Variants in REPS1 observed in about 807,000 individuals in gnomAD.
REPS1 encodes RALBP1 associated Eps domain containing 1.
Under a neutral mutation model 100.9 loss-of-function variants are expected in REPS1, and 39 were observed. The observed-to-expected ratio is 0.39, with a 90% CI of 0.30 to 0.50. REPS1 has a LOEUF of 0.50. Ranked by LOEUF, REPS1 falls within the 20% of genes least tolerant of loss-of-function variation. The probability of loss-of-function intolerance (pLI) is 0.86; values close to 1 mark genes in which losing one functional copy is unlikely to be tolerated. For synonymous variants in REPS1, 324 were observed against 340.3 expected, an observed-to-expected ratio of 0.95 and a Z score of 0.53; for missense variants, 821 against 968.5, an observed-to-expected ratio of 0.85 and a Z score of 2.02.
intron 1 of REPS1, among the ~76,000 whole-genome samples, chr6:138,978,417 C>T (rs1159663944): frequency 6.6e-6 from 1 of 151,750 alleles, no homozygotes; most frequent in Non-Finnish European, 1.5e-5. Flanking sequence ...CATCCTCCTG[C>T]CTCAGCCTCC....
chr6:138,971,025 G>T (rs567037189), intron 1 of REPS1, among the ~76,000 whole-genome samples: 3 of 152,058 alleles, frequency 2.0e-5, no homozygotes, highest in East Asian at 1.9e-4. Context: ...TTCCCTTTTT[G>T]CCATTTGTTA....
intron 1 of REPS1, among the ~76,000 whole-genome samples, chr6:138,969,859 A>ATTTTTTTTTTTTTT: frequency 2.1e-5 from 2 of 94,636 alleles, no homozygotes; most frequent in Non-Finnish European, 3.9e-5. Context: ...GTGAATTGGG[A>ATTTTTTTTTTTTTT]TTTTTTTTTT....
In REPS1 at chr6:138,920,312, A is replaced by G. The variant is rs758408702; in HGVS notation, c.1431T>C (p.His477=). ...EMELKRTGSD[H]TNPTSPLLVK... is the part of the protein sequence containing the mutation. ...CAAGTAATGGGCTAGTGGGATTTGT[A>G]TGATCTAATAGAGAATTAATAGGTA... is the stretch of plus-strand genomic sequence containing the variant. Residue 477 remains histidine, a synonymous_variant, in exon 12 of 20, where the codon CAT becomes CAC. Coordinates refer to ENST00000450536, the MANE Select transcript of REPS1 (RefSeq NM_001286611.2). The G allele has an allele frequency of 9.2e-6, 14 of 1,523,312 alleles. No homozygotes were observed. In the Admixed American group the frequency reaches 2.2e-4, roughly 24 times the overall value. 94.4% of individuals were successfully genotyped at this position (1,523,312 alleles called of 1,614,324 possible).
chr6:138,904,188 C>A lies in REPS1; in HGVS notation c.*876G>T, dbSNP rs1266904879. 1 of 152,076 alleles carries A rather than the reference C, an allele frequency of 6.6e-6. No individual in the cohort carries two copies. The highest frequency in any genetic ancestry group is 6.6e-5 in the Admixed American group (1 of 15,264). 9.4% of individuals were successfully genotyped at this position (152,076 alleles called of 1,614,324 possible). ...ATTTAATATTAAACAAAATCTAAAACAGCATATTGTCCTGAATAAGGCATA... is the reference window on the plus strand; with the variant it reads ...ATTTAATATTAAACAAAATCTAAAAAAGCATATTGTCCTGAATAAGGCATA... On this transcript the variant is annotated 3_prime_UTR_variant, in exon 20 of 20. Transcript: ENST00000450536.
chr6:138,974,122 T>C (rs1298644380), intron 1 of REPS1, among the ~76,000 whole-genome samples: 2 of 151,974 alleles, frequency 1.3e-5, no homozygotes, highest in African/African-American at 4.8e-5. Context: ...TAATGAAAGG[T>C]GTAATTATAG....
chr6:138,975,035 G>C (rs1784522740), intron 1 of REPS1, among the ~76,000 whole-genome samples: 1 of 151,606 alleles, frequency 6.6e-6, no homozygotes, highest in Non-Finnish European at 1.5e-5. Context: ...CATTTTTAGT[G>C]AATGGCCTCA....
chr6:138,962,462 G>A (rs1237298632), intron 1 of REPS1, among the ~76,000 whole-genome samples: 1 of 151,884 alleles, frequency 6.6e-6, no homozygotes, highest in Non-Finnish European at 1.5e-5. Flanking sequence ...CTGGCAAAAT[G>A]ACTCAAGGTA....
intron 1 of REPS1, among the ~76,000 whole-genome samples, chr6:138,986,034 C>T (rs1049684146): frequency 6.6e-6 from 1 of 152,160 alleles, no homozygotes; most frequent in African/African-American, 2.4e-5. Context: ...TCTCTAAGTC[C>T]TACTCCAAAG....
chr6:138,944,519 G>C lies in REPS1; in HGVS notation c.732C>G (p.Thr244=). The C allele has an allele frequency of 6.2e-7, 1 of 1,613,994 alleles. No individual in the cohort carries two copies. The highest frequency in any genetic ancestry group is 8.5e-7 in the Non-Finnish European group (1 of 1,179,888). ...ADTPPTSTLL[T]MHPASVQDQT... is the part of the protein sequence containing the mutation. ...ACACCTGGACAGAAGCAGGATGCAT[G>C]GTTAAAAGAGTACTGGTTGGTGGAG... Residue 244 remains threonine, a synonymous_variant, in exon 5 of 20, where the codon ACC becomes ACG. Coordinates refer to ENST00000450536, the MANE Select transcript of REPS1 (RefSeq NM_001286611.2).
Position 138,911,371 on chromosome 6 carries a change from C to G in REPS1, c.1972G>C (p.Ala658Pro). 1 of 1,600,188 alleles carries G rather than the reference C, an allele frequency of 6.2e-7. No homozygotes were observed. The highest frequency in any genetic ancestry group is 8.6e-7 in the Non-Finnish European group (1 of 1,167,870). Residue 658 changes from alanine to proline, a missense_variant and splice_region_variant, in exon 17 of 20, where the codon GCT becomes CCT. This residue lies in a region of REPS1 where 757 missense variants were observed against 866.4 expected (regional missense o/e 0.87). Transcript: ENST00000450536. Reference protein sequence around the residue: ...EAEKHPEVLPAEKASDPASSL... With the variant: ...EAEKHPEVLPPEKASDPASSL... ...CTTGCAGGATCAGAAGCTTTTTCAG[C>G]CTAAAAATGAATATGTTTATCACTA...
intron 1 of REPS1, among the ~76,000 whole-genome samples, chr6:138,956,618 C>G (rs1036630705): frequency 6.6e-6 from 1 of 152,040 alleles, no homozygotes; most frequent in Non-Finnish European, 1.5e-5. Context: ...CTGACCCACC[C>G]CACCTAAAAG....
chr6:138,984,439 T>G (rs1785141288), intron 1 of REPS1, among the ~76,000 whole-genome samples: 1 of 152,106 alleles, frequency 6.6e-6, no homozygotes, highest in Non-Finnish European at 1.5e-5. Context: ...GGTTTCTCAG[T>G]CTCAGCACTA....
chr6:138,980,809 T>A (rs1404897622), intron 1 of REPS1, among the ~76,000 whole-genome samples: 1 of 151,184 alleles, frequency 6.6e-6, no homozygotes, highest in African/African-American at 2.4e-5. Context: ...TGCCTCTGCC[T>A]CTCAAGTAGC....
intron 19 of REPS1, 183 bp downstream of exon 19, chr6:138,907,312 A>AGTGTGTGTGTGTG: frequency 9.5e-5 from 10 of 105,674 alleles, no homozygotes; most frequent in Admixed American, 7.9e-4. Context: ...AAAAAAAAAA[A>AGTGTGTGTGTGTG]AGTGTGTGTG....
chr6:138,963,107 C>T (rs890857938), intron 1 of REPS1, among the ~76,000 whole-genome samples: 3 of 135,082 alleles, frequency 2.2e-5, no homozygotes, highest in Non-Finnish European at 1.5e-5. Context: ...GACTCTATCT[C>T]GAAATAACTA....
rs1265290504 is a variant in REPS1 at position 138,941,389 on chromosome 6, C to T, written c.1081G>A (p.Glu361Lys). The part of the protein sequence containing the change: ...VARKNGYDLP[E>K]KLPESLMPKL... ...GGCATTAAGCTTTCAGGAAGTTTTT[C>T]TGGTAAATCATAGCCATTCTTCCTA... Residue 361 changes from glutamate to lysine, a missense_variant, in exon 8 of 20, where the codon GAA becomes AAA. By Grantham distance (56) the Glu-to-Lys change is moderately conservative. Coordinates refer to ENST00000450536, the MANE Select transcript of REPS1 (RefSeq NM_001286611.2). The T allele has an allele frequency of 1.9e-6, 3 of 1,614,080 alleles. No homozygotes were observed. The South Asian group carries it at 3.3e-5, about 18-fold the overall frequency.
Position 138,978,574 on chromosome 6 carries a change from T to C in REPS1, c.153+8956A>G, listed in dbSNP as rs975319277. Among the ~76,000 whole-genome samples, 12 of 152,096 alleles carry C rather than the reference T, an allele frequency of 7.9e-5. No homozygotes were observed. In the South Asian group the frequency reaches 2.5e-3, roughly 32 times the overall value. ...ATCTGCCCGCCTCAACCTCACAAAG[T>C]GCTAGGATTACAGGCATAAGTCACT... On this transcript the variant is annotated intron_variant, in intron 1 of 19. Transcript: ENST00000450536.
Position 138,914,775 on chromosome 6 carries a change from A to C in REPS1, c.1721-14T>G, listed in dbSNP as rs765922010. On this transcript the variant is annotated splice_polypyrimidine_tract_variant and intron_variant, in intron 14 of 19. Coordinates refer to ENST00000450536, the MANE Select transcript of REPS1 (RefSeq NM_001286611.2). ...CCTGTTGTTGTCCTGCATGAATACAAAAGTTCTTCTTTTTAGTAACTGTAT... is the reference window on the plus strand; with the variant it reads ...CCTGTTGTTGTCCTGCATGAATACACAAGTTCTTCTTTTTAGTAACTGTAT... 2 of 1,607,404 alleles carry C rather than the reference A, an allele frequency of 1.2e-6. No individual in the cohort carries two copies. Among genetic ancestry groups the C allele is most frequent in the African/African-American group, 2.7e-5 (2 of 74,638 alleles).
intron 10 of REPS1, among the ~76,000 whole-genome samples, chr6:138,923,513 T>C (rs984624566): frequency 1.2e-4 from 19 of 152,386 alleles, no homozygotes; most frequent in Admixed American, 6.5e-4. Flanking sequence ...AGCATTTTCA[T>C]ATATTTGCAG....
Sources: gnomAD v4.1 joint callset for allele counts (sites outside exome capture counted in the v4.1 genomes callset) on GRCh38, gnomAD v4.1.1 for gene constraint, gnomAD v4.1.1 regional missense constraint, MANE v1.5 for transcripts, NCBI Gene and HGNC (gene_info 2026-07-23, HGNC 2026-07-21) for gene names.